Variants in ARL10 observed in about 807,000 individuals in gnomAD.
The protein encoded by ARL10 is ADP-ribosylation factor-like protein 10.
ARL10 carries 23 observed loss-of-function variants against 26.1 expected under a neutral mutation model. The ratio of observed to expected loss-of-function variants is 0.88; its 90% CI spans 0.63 to 1.25. The LOEUF (loss-of-function observed/expected upper bound fraction) is 1.25, where lower values mean the gene tolerates loss of function less well. Ranked by LOEUF, ARL10 falls within the 50% of genes most tolerant of loss-of-function variation. The probability of loss-of-function intolerance (pLI) is 0.00; values close to 1 mark genes in which losing one functional copy is unlikely to be tolerated. For synonymous variants in ARL10, 138 were observed against 149.1 expected, an observed-to-expected ratio of 0.93 and a Z score of 0.54; for missense variants, 300 against 323.6, an observed-to-expected ratio of 0.93 and a Z score of 0.56.
At chr5:176,392,283 G>A (rs1257442261), downstream of ARL10, among the ~76,000 whole-genome samples, 1 of 152,204 alleles carries the variant, frequency 6.6e-6, no homozygotes, top group Admixed American at 6.5e-5. This position sits in a 1 kb window ranked among gnomAD's most constrained non-coding sequence, Gnocchi z 5.2. Context: ...TTAAAGGATC[G>A]AGGTTACAAA....
chr5:176,382,198 A>C (rs1561778349), downstream of ARL10, among the ~76,000 whole-genome samples: 1 of 152,162 alleles, frequency 6.6e-6, no homozygotes, highest in Non-Finnish European at 1.5e-5. Flanking sequence ...TGGTGCCCTT[A>C]CCCAGCTGCT....
downstream of ARL10, chr5:176,386,632 T>C: frequency 7.5e-6 from 5 of 666,670 alleles, no homozygotes; most frequent in South Asian, 7.6e-5. Flanking sequence ...TCTCTGACCT[T>C]AGTTCACACA....
At chr5:176,367,814 A>G in intron 2 of ARL10, 1 of 497,344 alleles carries the variant, frequency 2.0e-6, no homozygotes, top group South Asian at 1.5e-5. Context: ...CACCTCAGCC[A>G]CTTTCCCTTT....
At chr5:176,381,977 G>C (rs1182648017), downstream of ARL10, 2 of 152,248 alleles carry the variant, frequency 1.3e-5, no homozygotes, top group African/African-American at 2.4e-5. Flanking sequence ...GGGCACTGAA[G>C]ATCCAGAGTG....
At chr5:176,370,127 G>A (rs1376954405) in intron 3 of ARL10, among the ~76,000 whole-genome samples, 1 of 152,102 alleles carries the variant, frequency 6.6e-6, no homozygotes, top group Non-Finnish European at 1.5e-5. Context: ...TGTGCTTACG[G>A]TGTGCCATAC....
Position 176,368,986 on chromosome 5 carries a change from A to G in ARL10, c.561+4A>G. On this transcript the variant is annotated splice_donor_region_variant and intron_variant, in intron 3 of 3. Coordinates refer to ENST00000310389, the MANE Select transcript of ARL10 (RefSeq NM_173664.6). The surrounding 1 kb of genome is among the most constrained non-coding windows in gnomAD (Gnocchi z 4.1). ...CGTCGTGGTGGCCAACAAGCAGGTG[A>G]GGGCTGTGAGAGGGCAGCTCGGTCC... is the stretch of plus-strand genomic sequence containing the variant. The G allele has an allele frequency of 1.2e-6, 2 of 1,613,570 alleles. No homozygotes were observed. The highest frequency in any genetic ancestry group is 1.7e-6 in the Non-Finnish European group (2 of 1,179,908).
chr5:176,390,806 G>C (rs558593149), downstream of ARL10, among the ~76,000 whole-genome samples: 4 of 152,270 alleles, frequency 2.6e-5, no homozygotes, highest in East Asian at 5.8e-4. Context: ...AAGCAGTCTG[G>C]TACAGTGGGA....
At chr5:176,404,238 C>G (rs748194700), downstream of ARL10, among the ~76,000 whole-genome samples, 13 of 152,218 alleles carry the variant, frequency 8.5e-5, no homozygotes, top group Non-Finnish European at 1.6e-4. Context: ...TTGTCTTCCT[C>G]TCAAGACAAG....
chr5:176,370,642 C>A (rs938069112), intron 3 of ARL10, among the ~76,000 whole-genome samples: 3 of 152,166 alleles, frequency 2.0e-5, no homozygotes, highest in Non-Finnish European at 4.4e-5. Context: ...CAGATTGCCC[C>A]AGTTTGGACC....
intron 3 of ARL10, chr5:176,369,326 G>A (rs994058934): frequency 2.5e-5 from 19 of 760,248 alleles, no homozygotes; most frequent in Admixed American, 3.2e-5. Flanking sequence ...TCCACCTCCC[G>A]GGTTCAAGCA....
downstream of ARL10, chr5:176,401,896 A>G: frequency 2.5e-6 from 1 of 394,792 alleles, no homozygotes; most frequent in Non-Finnish European, 5.1e-6. Context: ...TCCTGCCCTC[A>G]CCGCCCCTGG....
At chr5:176,413,542 A>G in the ARL10 span, among the ~76,000 whole-genome samples, 3 of 152,194 alleles carry the variant, frequency 2.0e-5, no homozygotes, top group Non-Finnish European at 4.4e-5. Context: ...CCCAGGGGCA[A>G]CTGAGCCCAG....
downstream of ARL10, chr5:176,384,508 C>T (rs940933242): frequency 1.4e-5 from 12 of 836,854 alleles, no homozygotes; most frequent in African/African-American, 1.4e-4. Flanking sequence ...TGTGGTGCAC[C>T]GGGCACAGTG....
Position 176,375,163 on chromosome 5 carries a change from TCCAC to T in ARL10, c.*3284_*3287del, listed in dbSNP as rs1234967975. On this transcript the variant is annotated 3_prime_UTR_variant, in exon 4 of 4. Transcript: ENST00000310389. ...ACCCATCCACCCACCCACCCATCCA[TCCAC>T]CCACCCACCCACCCATCCACCCATC... 135 of 46,006 alleles carry T rather than the reference TCCAC, an allele frequency of 2.9e-3. 2 individuals carry two copies. Among genetic ancestry groups the T allele is most frequent in the African/African-American group, 9.4e-3 (122 of 13,004 alleles). 2.8% of individuals were successfully genotyped at this position (46,006 alleles called of 1,614,324 possible).
rs1768705367 is a variant in ARL10, at chr5:176,377,031, C to T, written c.*5136C>T. ...ATTACAGCTTTGTAGTATTTAGTGG[C>T]ATCAGCATTTAGGAGAGTAGGAACT... On this transcript the variant is annotated 3_prime_UTR_variant, in exon 4 of 4. Transcript: ENST00000310389. The surrounding 1 kb of genome is among the most constrained non-coding windows in gnomAD (Gnocchi z 4.5). 6.6e-6 allele frequency: 1 copy of T among 152,138 alleles called. No individual in the cohort carries two copies. Among genetic ancestry groups the T allele is most frequent in the Non-Finnish European group, 1.5e-5 (1 of 68,022 alleles). 9.4% of individuals were successfully genotyped at this position (152,138 alleles called of 1,614,324 possible). A position where few individuals can be genotyped will look rare whatever the true frequency, so the allele number is the denominator to read the frequency against.
chr5:176,388,130 A>T, intron 1 of ARL10: 1 of 834,402 alleles, frequency 1.2e-6, no homozygotes, highest in Non-Finnish European at 1.9e-6. Context: ...GAAAACTCGG[A>T]AGGGCCTGAG....
At chr5:176,409,326 T>C in the ARL10 span, among the ~76,000 whole-genome samples, 36 of 149,844 alleles carry the variant, frequency 2.4e-4, no homozygotes, top group South Asian at 7.4e-3. Flanking sequence ...CCATACTGTG[T>C]ATATTATTCT....
At chr5:176,409,403 GC>G in the ARL10 span, among the ~76,000 whole-genome samples, 1 of 124,224 alleles carries the variant, frequency 8.0e-6, no homozygotes, top group African/African-American at 3.1e-5. Context: ...AGATCTGATT[GC>G]CCTTTTTTTT....
rs751794619 is a variant in ARL10 at position 176,366,389 on chromosome 5, G to A, written c.193G>A (p.Glu65Lys). Residue 65 changes from glutamate (E) to lysine (K), a missense_variant, in exon 2 of 4, where the codon GAG (glutamate) becomes AAG (lysine). Transcript: ENST00000310389. ...CTCCGCTTCCCCGCAGCCCGAGGACGAGGAGGACGAGGAGCCGGCGCTGGA... is the reference window on the plus strand; with the variant it reads ...CTCCGCTTCCCCGCAGCCCGAGGACAAGGAGGACGAGGAGCCGGCGCTGGA... ...PEWDEWDPED[E>K]EDEEPALEEL... 1.2e-6 allele frequency: 2 copies of A among 1,609,106 alleles called. No individual in the cohort carries two copies. Among genetic ancestry groups the A allele is most frequent in the South Asian group, 1.1e-5 (1 of 90,778 alleles).
Sources: allele counts gnomAD v4.1 joint callset (sites outside exome capture counted in the v4.1 genomes callset), GRCh38; gene constraint gnomAD v4.1.1; non-coding constraint Gnocchi (gnomAD v3.1); transcripts MANE v1.5; gene names NCBI Gene and HGNC (gene_info 2026-07-23, HGNC 2026-07-21).